The following SLTM variants were observed in gnomAD, a reference collection of about 807,000 sequenced individuals.
The protein encoded by SLTM is SAFB like transcription modulator, also known as SAFB-like transcription modulator.
SLTM carries 43 observed loss-of-function variants against 134.6 expected under a neutral mutation model. The observed-to-expected ratio is 0.32, with a 90% confidence interval of 0.25 to 0.41. The LOEUF (loss-of-function observed/expected upper bound fraction) is 0.41, where lower values mean the gene tolerates loss of function less well. SLTM is among the 10% of genes least tolerant of loss of function. The pLI, the probability that SLTM is intolerant of heterozygous loss-of-function variation, is 1.00. For missense variants in SLTM, 1,055 were observed against 1,288.8 expected (o/e 0.82, Z 2.78); for synonymous variants, 424 against 432.3 (o/e 0.98, Z 0.24).
chr15:58,901,234 T>A (rs1418751881), intron 6 of SLTM, 26 bp downstream of exon 6: 1 of 1,581,056 alleles, frequency 6.3e-7, no homozygotes, highest in African/African-American at 1.4e-5. Flanking sequence ...ATTTTAGCAA[T>A]TTTTAAGCTC....
At chr15:58,889,669 G>T in intron 15 of SLTM, 115 bp from the exon 16 acceptor site, 1 of 1,304,348 alleles carries the variant, frequency 7.7e-7, no homozygotes, top group Non-Finnish European at 1.0e-6. Flanking sequence ...CAAAGACCAG[G>T]CAAAACACAA....
chr15:58,912,774 C>T (rs2036374005), intron 4 of SLTM, 164 bp from the exon 5 acceptor site: 1 of 559,278 alleles, frequency 1.8e-6, no homozygotes, highest in East Asian at 3.1e-5. Context: ...ATTTTTTATG[C>T]CAAAAAAAAT....
chr15:58,885,438 TTGATAC>T (rs1167159016), intron 19 of SLTM, among the ~76,000 whole-genome samples: 1 of 152,172 alleles, frequency 6.6e-6, no homozygotes, highest in African/African-American at 2.4e-5. Context: ...GGGCTAGTCT[TTGATAC>T]TTAAATTTTA....
chr15:58,926,198 C>A (rs769481814), intron 2 of SLTM, among the ~76,000 whole-genome samples: 1 of 152,122 alleles, frequency 6.6e-6, no homozygotes, highest in Non-Finnish European at 1.5e-5. Flanking sequence ...TCATGAGCCA[C>A]TAAGACAAGT....
In SLTM at chr15:58,901,247, GCAT is replaced by G. The variant is rs1377124106; in HGVS notation, c.589+10_589+12del. The G allele has an allele frequency of 3.3e-5, 53 of 1,599,064 alleles. No individual in the cohort carries two copies. Among genetic ancestry groups the G allele is most frequent in the Non-Finnish European group, 4.3e-5 (50 of 1,172,836 alleles). On this transcript the variant is annotated intron_variant, in intron 6 of 20. Coordinates refer to ENST00000380516, the MANE Select transcript of SLTM (RefSeq NM_024755.4). The stretch of plus-strand genomic sequence containing the variant: ...AAATTTTAGCAATTTTTAAGCTCTA[GCAT>G]CAAACATACCTTTCTCATTTTCTTC...
At chr15:58,895,631 T>C (rs575734617) in intron 9 of SLTM, among the ~76,000 whole-genome samples, 1 of 152,230 alleles carries the variant, frequency 6.6e-6, no homozygotes, top group Non-Finnish European at 1.5e-5. Flanking sequence ...CATTTATTTT[T>C]TAACTCCACG....
Position 58,883,706 on chromosome 15 carries a change from G to C in SLTM, c.2916C>G (p.Pro972=). 1 of 1,613,938 alleles carries C rather than the reference G, an allele frequency of 6.2e-7. No individual in the cohort carries two copies. Among genetic ancestry groups the C allele is most frequent in the Non-Finnish European group, 8.5e-7 (1 of 1,179,996 alleles). The change falls in exon 20 of 21, where the codon CCC becomes CCG. Residue 972 remains proline (P), a synonymous_variant. Transcript: ENST00000380516. ...SGPRKEWHGP[P]SQGPSYHDTR... is the part of the protein sequence containing the mutation. ...TATCATGATAGCTAGGCCCTTGAGA[G>C]GGTGGACCATGCCACTCTTTCCTTG...
intron 20 of SLTM, among the ~76,000 whole-genome samples, chr15:58,880,716 C>T (rs1023117876): frequency 6.6e-5 from 10 of 152,104 alleles, no homozygotes; most frequent in Admixed American, 5.9e-4. Context: ...AGGCAAGTGC[C>T]GCCATGCTCA....
chr15:58,922,590 A>G (rs1400926098), intron 2 of SLTM, among the ~76,000 whole-genome samples: 1 of 145,868 alleles, frequency 6.9e-6, no homozygotes, highest in Non-Finnish European at 1.5e-5. Flanking sequence ...CGTATAAAAT[A>G]TATATTATAT....
intron 2 of SLTM, among the ~76,000 whole-genome samples, chr15:58,928,105 G>T (rs1195304141): frequency 2.0e-5 from 3 of 152,074 alleles, no homozygotes; most frequent in Non-Finnish European, 4.4e-5. Flanking sequence ...AAAGCTGCCA[G>T]GTATTGCAAA....
intron 19 of SLTM, among the ~76,000 whole-genome samples, chr15:58,885,089 C>T (rs1267539872): frequency 7.9e-5 from 12 of 152,200 alleles, no homozygotes; most frequent in Admixed American, 7.9e-4. Context: ...CCTATCAGGA[C>T]AACATGCAGA....
chr15:58,882,779 G>A (rs889402245), intron 20 of SLTM, among the ~76,000 whole-genome samples: 1 of 152,172 alleles, frequency 6.6e-6, no homozygotes, highest in African/African-American at 2.4e-5. Flanking sequence ...AAAGAAAGGA[G>A]GACATGAAAG....
chr15:58,887,342 A>G lies in SLTM; in HGVS notation c.2574T>C (p.Ile858=), dbSNP rs761121044. ...GATGAGTGATATCAGGCCTGTCATG[A>G]ATAATCACCGTTCTCCTTTCGTCTC... ...GERDERRTVI[I]HDRPDITHPR... The change falls in exon 18 of 21, where the codon ATT becomes ATC. Residue 858 remains isoleucine (I), a synonymous_variant. Coordinates refer to ENST00000380516, the MANE Select transcript of SLTM (RefSeq NM_024755.4). 6.2e-7 allele frequency: 1 copy of G among 1,613,818 alleles called. No homozygotes were observed. The highest frequency in any genetic ancestry group is 1.1e-5 in the South Asian group (1 of 91,070).
intron 4 of SLTM, 195 bp from the exon 5 acceptor site, chr15:58,912,805 T>G (rs1369974863): frequency 7.8e-6 from 4 of 514,968 alleles, no homozygotes; most frequent in Non-Finnish European, 1.4e-5. Context: ...GCTAGAGAAT[T>G]AGAAATATTT....
intron 2 of SLTM, among the ~76,000 whole-genome samples, chr15:58,918,822 A>T (rs1285968505): frequency 2.0e-5 from 3 of 152,226 alleles, no homozygotes; most frequent in African/African-American, 7.2e-5. Flanking sequence ...ATGTTGCCCT[A>T]AAATCTAAAA....
At chr15:58,925,979 A>C (rs1055782955) in intron 2 of SLTM, among the ~76,000 whole-genome samples, 5 of 152,352 alleles carry the variant, frequency 3.3e-5, no homozygotes, top group African/African-American at 1.2e-4. Flanking sequence ...ACCAGCAGAG[A>C]GATGAATAAA....
chr15:58,910,286 C>A (rs377102696), intron 5 of SLTM, among the ~76,000 whole-genome samples: 1 of 152,054 alleles, frequency 6.6e-6, no homozygotes, highest in East Asian at 1.9e-4. Context: ...TATGCAGTAT[C>A]CCTGAATGCA....
intron 12 of SLTM, 111 bp downstream of exon 12, chr15:58,893,710 A>G: frequency 5.1e-6 from 6 of 1,165,048 alleles, no homozygotes; most frequent in Non-Finnish European, 6.0e-6. Context: ...TACCACAATG[A>G]CACCTAACAA....
At chr15:58,929,013 C>A (rs1353258126) in intron 2 of SLTM, among the ~76,000 whole-genome samples, 1 of 152,130 alleles carries the variant, frequency 6.6e-6, no homozygotes, top group Admixed American at 6.5e-5. Context: ...AAGAGCCTTA[C>A]AGGGGACCTA....
Sources: gnomAD v4.1 joint callset for allele counts (sites outside exome capture counted in the v4.1 genomes callset) on GRCh38, gnomAD v4.1.1 for gene constraint, MANE v1.5 for transcripts, NCBI Gene and HGNC (gene_info 2026-07-23, HGNC 2026-07-21) for gene names.